LARP4B: variants seen among roughly 807,000 people sequenced by gnomAD.
LARP4B encodes La ribonucleoprotein 4B, also known as la-related protein 4B.
In LARP4B, 12 loss-of-function variants were observed where a neutral mutation model predicts 89.8. The observed-to-expected ratio is 0.13, with a 90% CI of 0.09 to 0.22. The LOEUF (loss-of-function observed/expected upper bound fraction) is 0.22, where lower values mean the gene tolerates loss of function less well. Among genes scored for constraint, LARP4B ranks in the 10% least tolerant of loss-of-function variants. The pLI is 1.00. For missense variants in LARP4B, 757 were observed against 947.7 expected (o/e 0.80, Z 2.64); for synonymous variants, 367 against 363.3 (o/e 1.01, Z -0.12).
At chr10:832,193 G>A (rs1342845466) in intron 8 of LARP4B, among the ~76,000 whole-genome samples, 1 of 152,104 alleles carries the variant, frequency 6.6e-6, no homozygotes, top group Non-Finnish European at 1.5e-5. Context: ...ACAGGCACCC[G>A]CCACCGCGCC....
chr10:892,634 G>C (rs1036506058), intron 1 of LARP4B, among the ~76,000 whole-genome samples: 12 of 151,836 alleles, frequency 7.9e-5, no homozygotes, highest in Admixed American at 2.6e-4. Flanking sequence ...CCACCTCCCA[G>C]GTTCATGCCA....
intron 1 of LARP4B, among the ~76,000 whole-genome samples, chr10:918,316 G>A (rs61830958): frequency 6.6e-6 from 1 of 152,046 alleles, no homozygotes; most frequent in African/African-American, 2.4e-5. Flanking sequence ...CTTCATTTTA[G>A]GTCAACACTA....
intron 5 of LARP4B, among the ~76,000 whole-genome samples, chr10:845,751 C>T (rs1199862786): frequency 6.6e-6 from 1 of 152,170 alleles, no homozygotes; most frequent in Admixed American, 6.5e-5. Flanking sequence ...TGCTGGACTC[C>T]GGACACTGCA....
the LARP4B span, among the ~76,000 whole-genome samples, chr10:945,518 C>T: frequency 1.4e-5 from 2 of 140,474 alleles, no homozygotes; most frequent in East Asian, 2.0e-4. Flanking sequence ...AACCCCGTCT[C>T]TACTAAAAAT....
rs373027720 is a variant in LARP4B at position 814,620 on chromosome 10, C to T, written c.1929+122G>A. 1,471 of 1,547,158 alleles carry T rather than the reference C, an allele frequency of 9.5e-4. 27 individuals are homozygous for T. The South Asian group carries it at 0.016, about 17-fold the overall frequency. The stretch of plus-strand genomic sequence containing the variant: ...GTACAGAAAACACAACACAGACAGA[C>T]GCAAATAAAAACCCACCAAATTAGA... On this transcript the variant is annotated intron_variant, in intron 17 of 17. Transcript: ENST00000316157. The surrounding 1 kb of genome is among the most constrained non-coding windows in gnomAD (Gnocchi z 4.4).
chr10:846,594 C>T (rs777968425), intron 5 of LARP4B, among the ~76,000 whole-genome samples: 5 of 152,060 alleles, frequency 3.3e-5, no homozygotes, highest in Non-Finnish European at 5.9e-5. Context: ...TCACAGAGGC[C>T]GGTGTGTGTG....
Position 843,088 on chromosome 10 carries a change from T to C in LARP4B, c.510-20A>G, listed in dbSNP as rs1833602102. On this transcript the variant is annotated intron_variant, in intron 6 of 17. Coordinates refer to ENST00000316157, the MANE Select transcript of LARP4B (RefSeq NM_015155.3). Reference sequence around the variant, plus strand: ...TTCTCCCTGTTGAAAGAAAACAATCTCTTTTAATCAGTATTTCTTTAAAAG... The same window carrying C: ...TTCTCCCTGTTGAAAGAAAACAATCCCTTTTAATCAGTATTTCTTTAAAAG... The C allele has an allele frequency of 6.2e-7, 1 of 1,608,280 alleles. No individual in the cohort carries two copies. Among genetic ancestry groups the C allele is most frequent in the Non-Finnish European group, 8.5e-7 (1 of 1,176,320 alleles).
chr10:929,600 G>C (rs923074958), intron 1 of LARP4B, among the ~76,000 whole-genome samples: 1 of 152,022 alleles, frequency 6.6e-6, no homozygotes, highest in Admixed American at 6.6e-5. Context: ...TCCAACTCGG[G>C]GGGGGAAGAA....
chr10:967,085 C>T, the LARP4B span, among the ~76,000 whole-genome samples: 3 of 152,214 alleles, frequency 2.0e-5, no homozygotes, highest in African/African-American at 4.8e-5. Context: ...CCCGGGATCA[C>T]GGAACAATGT....
In LARP4B at chr10:868,226, G is replaced by T. The variant is rs1045176736; in HGVS notation, c.142-3956C>A. On this transcript the variant is annotated intron_variant, in intron 3 of 17. Transcript: ENST00000316157. ...GTACAGAAAGCAGGTGAGAAATAGG[G>T]GAAAGAAACATTCCATGCAAGCACC... 9.2e-5 allele frequency among the ~76,000 whole-genome samples: 14 copies of T among 152,012 alleles called. No individual in the cohort carries two copies. In the South Asian group the frequency reaches 2.3e-3, roughly 25 times the overall value.
At chr10:908,685 T>A (rs1836568168) in intron 1 of LARP4B, among the ~76,000 whole-genome samples, 1 of 152,238 alleles carries the variant, frequency 6.6e-6, no homozygotes, top group African/African-American at 2.4e-5. Context: ...TCTTCTGGGT[T>A]GATTGTTGTG....
At chr10:956,374 C>T in the LARP4B span, among the ~76,000 whole-genome samples, 2 of 151,422 alleles carry the variant, frequency 1.3e-5, no homozygotes, top group Non-Finnish European at 2.9e-5. The surrounding 1 kb of genome is among the most constrained non-coding windows in gnomAD (Gnocchi z 4.3). Context: ...GAGACAGAGT[C>T]TCACTGTGTC....
Position 931,620 on chromosome 10 carries a change from C to T in LARP4B, c.-232G>A. ...CTGGCGGCGGCGGCGGCGGCGGATT[C>T]TTCCCCTTTCGGGCCCGAAAATGTC... On this transcript the variant is annotated 5_prime_UTR_variant, in exon 1 of 18. Coordinates refer to ENST00000316157, the MANE Select transcript of LARP4B (RefSeq NM_015155.3). 6.4e-6 allele frequency: 1 copy of T among 155,756 alleles called. No homozygotes were observed. Among genetic ancestry groups the T allele is most frequent in the East Asian group, 1.9e-4 (1 of 5,298 alleles). The allele number at this position is 155,756 out of a possible 1,614,324, so 9.6% of individuals were successfully genotyped here. A position where few individuals can be genotyped will look rare whatever the true frequency, so the allele number is the denominator to read the frequency against.
chr10:853,984 C>G lies in LARP4B; in HGVS notation c.431-8929G>C, dbSNP rs1367738262. Among the ~76,000 whole-genome samples the G allele has an allele frequency of 2.6e-5, 4 of 152,236 alleles. No individual in the cohort carries two copies. In the East Asian group the frequency reaches 7.7e-4, roughly 29 times the overall value. Reference sequence around the variant, plus strand: ...TCAATCCTCTCAAACCCTGCTGCTGCTTTATCAGCTAGGTTTATGGAATAT... The same window carrying G: ...TCAATCCTCTCAAACCCTGCTGCTGGTTTATCAGCTAGGTTTATGGAATAT... On this transcript the variant is annotated intron_variant, in intron 5 of 17. Coordinates refer to ENST00000316157, the MANE Select transcript of LARP4B (RefSeq NM_015155.3).
the LARP4B span, among the ~76,000 whole-genome samples, chr10:960,041 T>C: frequency 6.6e-6 from 1 of 152,166 alleles, no homozygotes; most frequent in East Asian, 1.9e-4. Flanking sequence ...GGAAACAAGA[T>C]TGTTCAACAA....
rs138155173 is a variant in LARP4B at position 846,830 on chromosome 10, G to A, written c.431-1775C>T. Among the ~76,000 whole-genome samples, 1,005 of 152,170 alleles carry A rather than the reference G, an allele frequency of 6.6e-3. 9 individuals are homozygous for A. Among genetic ancestry groups the A allele is most frequent in the Non-Finnish European group, 0.011 (735 of 68,018 alleles). ...AGAAAAGCAGCCCAGGACTGAACCC[G>A]GGACACTCCCACCTTCAGCAGGAGG... On this transcript the variant is annotated intron_variant, in intron 5 of 17. Transcript: ENST00000316157.
intron 5 of LARP4B, among the ~76,000 whole-genome samples, chr10:859,074 T>G (rs779200906): frequency 3.3e-5 from 5 of 151,438 alleles, no homozygotes; most frequent in Admixed American, 6.6e-5. Context: ...AGGTCAGGAG[T>G]TTGAGACCAG....
At chr10:930,569 C>CA (rs1837270649) in intron 1 of LARP4B, among the ~76,000 whole-genome samples, 1 of 152,170 alleles carries the variant, frequency 6.6e-6, no homozygotes, top group African/African-American at 2.4e-5. Flanking sequence ...TTTCGACGCA[C>CA]AACGGCACTG....
the LARP4B span, among the ~76,000 whole-genome samples, chr10:967,524 A>T: frequency 6.6e-6 from 1 of 152,216 alleles, no homozygotes; most frequent in South Asian, 2.1e-4. Flanking sequence ...GTGAGGAGCT[A>T]AAACATTTAA....
Sources: gnomAD v4.1 joint callset for allele counts (sites outside exome capture counted in the v4.1 genomes callset) on GRCh38, gnomAD v4.1.1 for gene constraint, Gnocchi (gnomAD v3.1) non-coding constraint, MANE v1.5 for transcripts, NCBI Gene and HGNC (gene_info 2026-07-23, HGNC 2026-07-21) for gene names.